The following NTRK3 variants were observed in gnomAD, a reference collection of about 807,000 sequenced individuals.
NTRK3 encodes the protein neurotrophic receptor tyrosine kinase 3, also known as NT-3 growth factor receptor.
NTRK3 carries 24 observed loss-of-function variants against 91.7 expected under a neutral mutation model. The observed-to-expected ratio is 0.26, with a 90% confidence interval of 0.19 to 0.37. The LOEUF (loss-of-function observed/expected upper bound fraction) is 0.37. Among genes scored for constraint, NTRK3 ranks in the 10% least tolerant of loss-of-function variants. The pLI is 1.00. For missense variants in NTRK3, 880 were observed against 1,068.9 expected (o/e 0.82, Z 2.46); for synonymous variants, 483 against 404.0 (o/e 1.20, Z -2.34).
chr15:88,092,383 A>G (rs570051201), intron 13 of NTRK3, among the ~76,000 whole-genome samples: 4 of 152,284 alleles, frequency 2.6e-5, no homozygotes, highest in Admixed American at 1.3e-4. Context: ...CCTGAAACAT[A>G]CAAGCAACTG....
exon 19 of NTRK3, chr15:87,862,334 A>T (rs1432574200): frequency 2.7e-5 from 6 of 224,752 alleles, no homozygotes; most frequent in African/African-American, 1.3e-4. Flanking sequence ...CACCTCATTT[A>T]TTCCTAAAAG....
At chr15:87,931,248 G>C (rs746665430) in intron 16 of NTRK3, 2 of 517,754 alleles carry the variant, frequency 3.9e-6, no homozygotes, top group Admixed American at 1.9e-5. Flanking sequence ...TGAATGTAAG[G>C]ATAGGATGTG....
At chr15:88,174,825 G>A (rs574563135) in intron 5 of NTRK3, among the ~76,000 whole-genome samples, 41 of 152,248 alleles carry the variant, frequency 2.7e-4, no homozygotes, top group Non-Finnish European at 4.1e-4. Flanking sequence ...GCCCTCCAGC[G>A]GCACCTCCAC....
intron 5 of NTRK3, among the ~76,000 whole-genome samples, chr15:88,160,967 C>T (rs1005736682): frequency 2.0e-5 from 3 of 152,192 alleles, no homozygotes; most frequent in African/African-American, 7.2e-5. Context: ...CTTGACCATG[C>T]AAGTCCTAAT....
chr15:88,026,235 C>A (rs1402348997), intron 14 of NTRK3, among the ~76,000 whole-genome samples: 1 of 152,142 alleles, frequency 6.6e-6, no homozygotes, highest in East Asian at 1.9e-4. Context: ...TGCGCCACTG[C>A]ACTCCAGCCT....
At chr15:88,094,315 A>C (rs1597274175) in intron 13 of NTRK3, among the ~76,000 whole-genome samples, 1 of 151,888 alleles carries the variant, frequency 6.6e-6, no homozygotes, top group Middle Eastern at 3.4e-3. Flanking sequence ...AAATACAAAA[A>C]AAAATTAGCC....
At chr15:87,870,477 G>A (rs2064800196) in exon 19 of NTRK3, 3 of 209,656 alleles carry the variant, frequency 1.4e-5, no homozygotes, top group South Asian at 3.7e-4. Flanking sequence ...TACAAATATG[G>A]TGCATACTGC....
rs528734919 is a variant in NTRK3, at chr15:88,019,828, A to G, written c.1585+13029T>C. 8.0e-4 allele frequency among the ~76,000 whole-genome samples: 122 copies of G among 152,344 alleles called. 1 individual carries two copies. Among genetic ancestry groups the G allele is most frequent in the African/African-American group, 2.9e-3 (121 of 41,574 alleles). ...CCTTCCCTAGCTGTTTAGCTGAGTT[A>G]TGTGATGATCAACGTCTTAAGCCAA... On this transcript the variant is annotated intron_variant, in intron 14 of 18. Transcript: ENST00000394480.
At chr15:87,999,595 T>G (rs1173020336) in intron 14 of NTRK3, among the ~76,000 whole-genome samples, 3 of 152,198 alleles carry the variant, frequency 2.0e-5, no homozygotes, top group African/African-American at 7.2e-5. Flanking sequence ...CATGTAGATA[T>G]TTCCCTGGGA....
chr15:88,205,295 G>A (rs2048646026), intron 3 of NTRK3, among the ~76,000 whole-genome samples: 1 of 152,128 alleles, frequency 6.6e-6, no homozygotes, highest in Non-Finnish European at 1.5e-5. Context: ...AAGAGAGCAT[G>A]GGGAAACCGC....
chr15:88,122,923 A>T (rs1183609897), intron 13 of NTRK3, among the ~76,000 whole-genome samples: 1 of 152,250 alleles, frequency 6.6e-6, no homozygotes, highest in East Asian at 1.9e-4. Context: ...CAGGCATACT[A>T]GGCTGAGTGA....
At chr15:88,123,028 T>G (rs750512848) in intron 13 of NTRK3, among the ~76,000 whole-genome samples, 1 of 152,162 alleles carries the variant, frequency 6.6e-6, no homozygotes, top group Non-Finnish European at 1.5e-5. Context: ...TAGCGTATAA[T>G]AAAGGCATTT....
chr15:88,154,324 G>C lies in NTRK3; in HGVS notation c.396-6921C>G, dbSNP rs186090679. ...CCTCCTTGGGTTGAAGCAGTGGGAA[G>C]GAAGGAGGCACCATATAATCTTGTC... On this transcript the variant is annotated intron_variant, in intron 5 of 18. Transcript: ENST00000394480. Among the ~76,000 whole-genome samples, 8 of 152,272 alleles carry C rather than the reference G, an allele frequency of 5.3e-5. No individual in the cohort carries two copies. The East Asian group carries it at 1.5e-3, about 29-fold the overall frequency.
At position 87,893,222 on chromosome 15, in the gene NTRK3, A is replaced by G. The variant is rs536084484; in HGVS notation, c.2134-12794T>C. On this transcript the variant is annotated intron_variant, in intron 17 of 18. Coordinates refer to ENST00000394480, the Ensembl canonical transcript of NTRK3. Reference sequence around the variant, plus strand: ...CCCCTCCTCAAGCCATCAGCTCTATATACTGGGAGAATGGGACAGGAGGGG... The same window carrying G: ...CCCCTCCTCAAGCCATCAGCTCTATGTACTGGGAGAATGGGACAGGAGGGG... Among the ~76,000 whole-genome samples the G allele has an allele frequency of 3.9e-5, 6 of 152,200 alleles. 1 individual carries two copies. In the South Asian group the frequency reaches 1.2e-3, roughly 32 times the overall value.
chr15:88,158,094 T>G (rs952421686), intron 5 of NTRK3, among the ~76,000 whole-genome samples: 1 of 152,086 alleles, frequency 6.6e-6, no homozygotes, highest in Non-Finnish European at 1.5e-5. Flanking sequence ...GTACCTCAGT[T>G]TGCTCATCTG....
intron 13 of NTRK3, among the ~76,000 whole-genome samples, chr15:88,070,926 T>A (rs560025081): frequency 1.3e-5 from 2 of 152,228 alleles, no homozygotes; most frequent in East Asian, 3.9e-4. Context: ...GAAGGAAGAT[T>A]CCTAGCCCTC....
intron 12 of NTRK3, 132 bp from the exon 13 acceptor site, chr15:88,126,505 G>A (rs2053299248): frequency 1.6e-6 from 1 of 617,826 alleles, no homozygotes. Context: ...CTGCAATACT[G>A]AGTAAGGTCT....
At chr15:88,231,323 C>G (rs1057435369) in intron 3 of NTRK3, among the ~76,000 whole-genome samples, 3 of 152,144 alleles carry the variant, frequency 2.0e-5, no homozygotes, top group South Asian at 2.1e-4. Flanking sequence ...CCTTGCCCCC[C>G]ACCCACATCA....
intron 13 of NTRK3, among the ~76,000 whole-genome samples, chr15:88,105,920 C>T (rs568188832): frequency 2.0e-5 from 3 of 152,364 alleles, no homozygotes; most frequent in African/African-American, 7.2e-5. Flanking sequence ...GTTTAAGTGA[C>T]TCACCCAAAT....
Sources: allele counts gnomAD v4.1 joint callset (sites outside exome capture counted in the v4.1 genomes callset), GRCh38; gene constraint gnomAD v4.1.1; transcripts MANE v1.5; gene names NCBI Gene and HGNC (gene_info 2026-07-23, HGNC 2026-07-21).